PCDH15: variants seen among roughly 807,000 people sequenced by gnomAD.
PCDH15 encodes the protein protocadherin related 15, also known as protocadherin-15.
PCDH15 carries 129 observed loss-of-function variants against 178.5 expected under a neutral mutation model. That is an observed-to-expected ratio of 0.72 (90% confidence interval 0.63 to 0.84). PCDH15 has a LOEUF of 0.84. PCDH15 is among the 40% of genes least tolerant of loss of function. The probability of loss-of-function intolerance (pLI) is 0.00; values close to 1 mark genes in which losing one functional copy is unlikely to be tolerated. For synonymous variants in PCDH15, 800 were observed against 732.0 expected (o/e 1.09, Z -1.50); for missense variants, 2,230 against 2,099.9 (o/e 1.06, Z -1.21).
At chr10:54,077,708 T>C (rs1162412863) in intron 17 of PCDH15, among the ~76,000 whole-genome samples, 1 of 150,066 alleles carries the variant, frequency 6.7e-6, no homozygotes, top group Non-Finnish European at 1.5e-5. Flanking sequence ...AGTTCTTCAA[T>C]TACTTCCTCC....
chr10:55,300,464 T>C (rs1016861354), intron 1 of PCDH15, among the ~76,000 whole-genome samples: 2 of 152,182 alleles, frequency 1.3e-5, no homozygotes, highest in Admixed American at 1.3e-4. Context: ...CATCATTTTC[T>C]GTCAAGCAAT....
chr10:54,274,783 T>G (rs1282150080), intron 8 of PCDH15, among the ~76,000 whole-genome samples: 4 of 152,002 alleles, frequency 2.6e-5, no homozygotes, highest in Non-Finnish European at 5.9e-5. Context: ...TTTTCAATAA[T>G]GCAGAAGCCT....
chr10:54,260,203 T>A (rs1173249983), intron 8 of PCDH15, among the ~76,000 whole-genome samples: 3 of 152,182 alleles, frequency 2.0e-5, no homozygotes, highest in Non-Finnish European at 4.4e-5. Flanking sequence ...AAATTTATTA[T>A]AGTTTTGTCA....
At chr10:55,412,125 G>A (rs1021983187) in intron 2 of PCDH15, among the ~76,000 whole-genome samples, 4 of 152,064 alleles carry the variant, frequency 2.6e-5, no homozygotes, top group East Asian at 3.9e-4. Context: ...AGAATCAAAC[G>A]GATGAGGGCT....
intron 2 of PCDH15, among the ~76,000 whole-genome samples, chr10:55,566,428 T>C (rs1333638500): frequency 6.6e-6 from 1 of 151,630 alleles, no homozygotes; most frequent in African/African-American, 2.4e-5. Flanking sequence ...CTGAGCTTAC[T>C]ACTATTCAAT....
At chr10:54,915,365 GA>G (rs554579225) in intron 2 of PCDH15, among the ~76,000 whole-genome samples, 8 of 152,184 alleles carry the variant, frequency 5.3e-5, no homozygotes, top group African/African-American at 1.7e-4. Flanking sequence ...ATATGCCTTA[GA>G]AAAAAATCCT....
chr10:54,247,472 T>C lies in PCDH15; in HGVS notation c.877-10541A>G, dbSNP rs116610183. Among the ~76,000 whole-genome samples the C allele has an allele frequency of 8.4e-3, 1,282 of 152,122 alleles. 23 individuals are homozygous for C. Among genetic ancestry groups the C allele is most frequent in the African/African-American group, 0.03 (1,238 of 41,512 alleles). ...ACACACTTGCCTTGCTCTCTGAATT[T>C]CTGTAGGACATCTAAATACAAATAA... is the stretch of plus-strand genomic sequence containing the variant. On this transcript the variant is annotated intron_variant, in intron 8 of 37. Coordinates refer to ENST00000644397, the MANE Select transcript of PCDH15 (RefSeq NM_001384140.1).
Position 54,736,135 on chromosome 10 carries a change from T to C in PCDH15, c.-29+64790A>G, listed in dbSNP as rs376292279. Among the ~76,000 whole-genome samples the C allele has an allele frequency of 6.6e-5, 10 of 152,180 alleles. No homozygotes were observed. The South Asian group carries it at 8.3e-4, about 13-fold the overall frequency. ...TTAGAAGCTGCAATAATCCTGGCAA[T>C]TGGCAAACTGGAGACTGAATCTAAC... On this transcript the variant is annotated intron_variant, in intron 1 of 37. Transcript: ENST00000644397.
At chr10:54,157,097 C>CA (rs1220416745) in intron 13 of PCDH15, among the ~76,000 whole-genome samples, 1 of 152,158 alleles carries the variant, frequency 6.6e-6, no homozygotes, top group Admixed American at 6.5e-5. Context: ...GTGCATAGTA[C>CA]AAGCTGTAGG....
intron 6 of PCDH15, among the ~76,000 whole-genome samples, chr10:54,339,573 AAAG>A (rs975575086): frequency 6.6e-6 from 1 of 152,218 alleles, no homozygotes; most frequent in Non-Finnish European, 1.5e-5. Flanking sequence ...TATACAAAAG[AAAG>A]AAGAATGCTT....
At chr10:54,153,462 TC>T (rs2044765221) in intron 13 of PCDH15, among the ~76,000 whole-genome samples, 169 bp from the exon 14 acceptor site, 1 of 152,164 alleles carries the variant, frequency 6.6e-6, no homozygotes, top group Non-Finnish European at 1.5e-5. Context: ...GGCTACTGTG[TC>T]CTGTTACAAT....
In PCDH15 at chr10:55,457,390, C is replaced by CTAAGT. The variant is rs142556765; in HGVS notation, c.-156+170234_-156+170235insACTTA. On this transcript the variant is annotated intron_variant, in intron 2 of 5. Coordinates refer to the PCDH15 transcript ENST00000613346. ...ATGATCTTATATGATTTTTTGTGTA[C>CTAAGT]CAGATCATGTACTCTTACTTAGTGT... 9.1e-3 allele frequency among the ~76,000 whole-genome samples: 1,385 copies of CTAAGT among 151,918 alleles called. 22 individuals are homozygous for CTAAGT. Among genetic ancestry groups the CTAAGT allele is most frequent in the African/African-American group, 0.032 (1,309 of 41,470 alleles).
intron 2 of PCDH15, among the ~76,000 whole-genome samples, chr10:55,399,044 A>G (rs1371449684): frequency 6.6e-6 from 1 of 152,174 alleles, no homozygotes; most frequent in Non-Finnish European, 1.5e-5. Context: ...TCATCTTGTG[A>G]AAAACAGGCT....
chr10:54,007,053 T>C (rs1158201647), intron 20 of PCDH15, among the ~76,000 whole-genome samples: 3 of 152,202 alleles, frequency 2.0e-5, no homozygotes, highest in Non-Finnish European at 4.4e-5. Context: ...TTTATACTCC[T>C]TATAATGCTG....
chr10:55,346,963 C>T (rs1302153638), intron 2 of PCDH15, among the ~76,000 whole-genome samples: 1 of 151,848 alleles, frequency 6.6e-6, no homozygotes, highest in Non-Finnish European at 1.5e-5. Context: ...ACATGTAATC[C>T]CAGCACTTTG....
chr10:55,467,799 A>G (rs1839863784), intron 2 of PCDH15, among the ~76,000 whole-genome samples: 1 of 151,538 alleles, frequency 6.6e-6, no homozygotes, highest in African/African-American at 2.4e-5. Context: ...CCCCGTCTCT[A>G]CTAAAAATAC....
chr10:54,200,420 C>T (rs1002145834), intron 10 of PCDH15, among the ~76,000 whole-genome samples: 2 of 151,918 alleles, frequency 1.3e-5, no homozygotes, highest in Non-Finnish European at 2.9e-5. Context: ...GCTATCCCTC[C>T]CTAGGCCCCC....
intron 1 of PCDH15, among the ~76,000 whole-genome samples, chr10:55,262,482 G>A (rs565952230): frequency 2.4e-4 from 37 of 152,278 alleles, no homozygotes; most frequent in South Asian, 1.0e-3. Flanking sequence ...ATGCTGAGAG[G>A]AACACATCAG....
chr10:55,465,651 T>C (rs1017858329), intron 2 of PCDH15, among the ~76,000 whole-genome samples: 9 of 152,176 alleles, frequency 5.9e-5, no homozygotes, highest in African/African-American at 2.2e-4. Flanking sequence ...AACTTGAGCA[T>C]TGCTCAAGTT....
Sources: allele counts gnomAD v4.1 joint callset (sites outside exome capture counted in the v4.1 genomes callset), GRCh38; gene constraint gnomAD v4.1.1; transcripts MANE v1.5; gene names NCBI Gene and HGNC (gene_info 2026-07-23, HGNC 2026-07-21).